Variants in RNF180 observed in about 807,000 individuals in gnomAD.
The protein encoded by RNF180 is E3 ubiquitin-protein ligase RNF180.
In RNF180, 38 loss-of-function variants were observed where a neutral mutation model predicts 59.2. The ratio of observed to expected loss-of-function variants is 0.64; its 90% CI spans 0.50 to 0.84. The LOEUF is 0.84. Among genes scored for constraint, RNF180 ranks in the 40% least tolerant of loss-of-function variants. The pLI is 0.00. For missense variants in RNF180, 705 were observed against 700.9 expected, an observed-to-expected ratio of 1.01 and a Z score of -0.07; for synonymous variants, 262 against 240.3, an observed-to-expected ratio of 1.09 and a Z score of -0.84.
chr5:64,278,021 C>A (rs943138175), intron 5 of RNF180, among the ~76,000 whole-genome samples: 15 of 152,128 alleles, frequency 9.9e-5, no homozygotes, highest in African/African-American at 1.4e-4. Flanking sequence ...TTGCCTTAAT[C>A]AGTATTATAT....
At chr5:64,269,238 C>A (rs1185702359) in intron 5 of RNF180, among the ~76,000 whole-genome samples, 1 of 152,054 alleles carries the variant, frequency 6.6e-6, no homozygotes, top group Non-Finnish European at 1.5e-5. Context: ...AATTATCACA[C>A]CTCTCTTATT....
intron 1 of RNF180, among the ~76,000 whole-genome samples, chr5:64,185,047 C>G (rs561249099): frequency 6.6e-6 from 1 of 152,192 alleles, no homozygotes; most frequent in East Asian, 1.9e-4. Context: ...TTTCCCTTAC[C>G]CGTTGATGGC....
chr5:64,342,741 A>G (rs973317141), intron 7 of RNF180, among the ~76,000 whole-genome samples: 2 of 152,260 alleles, frequency 1.3e-5, no homozygotes, highest in African/African-American at 4.8e-5. Flanking sequence ...TGTTAAGCAA[A>G]AAATGCAGAG....
chr5:64,335,454 A>G (rs922855966), intron 7 of RNF180, among the ~76,000 whole-genome samples: 1 of 151,832 alleles, frequency 6.6e-6, no homozygotes, highest in South Asian at 2.1e-4. Context: ...GATTTGTGTT[A>G]ATTTTTTTTT....
chr5:64,280,886 G>T (rs1032774957), intron 5 of RNF180, among the ~76,000 whole-genome samples: 2 of 152,060 alleles, frequency 1.3e-5, no homozygotes, highest in Non-Finnish European at 2.9e-5. Context: ...AAATTGCTTT[G>T]GGCTGTATGG....
chr5:64,342,765 T>C (rs144454215), intron 7 of RNF180, among the ~76,000 whole-genome samples: 122 of 152,230 alleles, frequency 8.0e-4, no homozygotes, highest in African/African-American at 2.8e-3. Context: ...CATGCTGTAG[T>C]AGGGAGTCCA....
At chr5:64,338,403 G>A (rs1439789616) in intron 7 of RNF180, among the ~76,000 whole-genome samples, 1 of 152,158 alleles carries the variant, frequency 6.6e-6, no homozygotes, top group Non-Finnish European at 1.5e-5. Flanking sequence ...GGGAGGCCGA[G>A]GCAGGCGGAT....
chr5:64,176,348 C>T (rs1750235378), intron 1 of RNF180, among the ~76,000 whole-genome samples: 1 of 151,716 alleles, frequency 6.6e-6, no homozygotes. Context: ...TTTGAGTCTC[C>T]TATCTTCTTT....
Position 64,171,561 on chromosome 5 carries a change from G to A in RNF180, c.-1+5608G>A, listed in dbSNP as rs958488587. 2.0e-5 allele frequency among the ~76,000 whole-genome samples: 3 copies of A among 152,160 alleles called. No homozygotes were observed. The East Asian group carries it at 5.8e-4, about 29-fold the overall frequency. ...TTGGAGTGAGGGGTGGTCATTCCAG[G>A]GGAACTTTCTTGGATTATGAGTTTG... On this transcript the variant is annotated intron_variant, in intron 1 of 7. Coordinates refer to ENST00000389100, the MANE Select transcript of RNF180 (RefSeq NM_001113561.2).
intron 7 of RNF180, among the ~76,000 whole-genome samples, chr5:64,364,143 G>T (rs969940456): frequency 1.1e-4 from 17 of 151,760 alleles, no homozygotes; most frequent in African/African-American, 3.9e-4. Context: ...TGGTTACAGA[G>T]GGCATCCTTG....
chr5:64,366,518 G>A (rs1245356435), intron 7 of RNF180, among the ~76,000 whole-genome samples: 2 of 151,418 alleles, frequency 1.3e-5, no homozygotes, highest in Non-Finnish European at 3.0e-5. Flanking sequence ...GAGTTCTCGT[G>A]GATGATCTCC....
At chr5:64,214,864 GA>G (rs896245191) in intron 4 of RNF180, among the ~76,000 whole-genome samples, 31 of 152,110 alleles carry the variant, frequency 2.0e-4, no homozygotes, top group African/African-American at 6.7e-4. Context: ...ATTTTGGGTT[GA>G]AAAAATGTTT....
intron 7 of RNF180, among the ~76,000 whole-genome samples, chr5:64,364,879 A>G (rs1371683901): frequency 6.6e-6 from 1 of 151,236 alleles, no homozygotes; most frequent in Non-Finnish European, 1.5e-5. Flanking sequence ...ATATTCTCTA[A>G]TGGTTACTTG....
At chr5:64,199,229 CT>C (rs985673828) in intron 1 of RNF180, among the ~76,000 whole-genome samples, 1 of 152,202 alleles carries the variant, frequency 6.6e-6, no homozygotes, top group African/African-American at 2.4e-5. Context: ...AGCCTGTCTA[CT>C]TGAAGGTCTG....
At chr5:64,270,986 T>C (rs1049970025) in intron 5 of RNF180, among the ~76,000 whole-genome samples, 2 of 152,120 alleles carry the variant, frequency 1.3e-5, no homozygotes, top group African/African-American at 4.8e-5. Context: ...AATGTAATTC[T>C]TAGTCATTGA....
At chr5:64,231,457 CTTTA>C (rs1561205753) in intron 5 of RNF180, among the ~76,000 whole-genome samples, 1 of 151,578 alleles carries the variant, frequency 6.6e-6, no homozygotes, top group Non-Finnish European at 1.5e-5. Context: ...GCCACACACT[CTTTA>C]TTTATCCTCA....
At chr5:64,271,179 G>A (rs887452087) in intron 5 of RNF180, among the ~76,000 whole-genome samples, 2 of 152,102 alleles carry the variant, frequency 1.3e-5, no homozygotes, top group South Asian at 2.1e-4. Flanking sequence ...CTACAACTAA[G>A]TGTGAACCAG....
At chr5:64,259,995 T>C (rs969237402) in intron 5 of RNF180, among the ~76,000 whole-genome samples, 1 of 152,048 alleles carries the variant, frequency 6.6e-6, no homozygotes, top group Non-Finnish European at 1.5e-5. Flanking sequence ...ATCCTAATCA[T>C]CCTAGCACCA....
At chr5:64,239,688 C>G (rs891078912) in intron 5 of RNF180, among the ~76,000 whole-genome samples, 4 of 152,048 alleles carry the variant, frequency 2.6e-5, no homozygotes, top group African/African-American at 9.7e-5. Flanking sequence ...TGTCATGAGT[C>G]TGTTATCATT....
Sources: allele counts gnomAD v4.1 joint callset (sites outside exome capture counted in the v4.1 genomes callset), GRCh38; gene constraint gnomAD v4.1.1; transcripts MANE v1.5; gene names NCBI Gene and HGNC (gene_info 2026-07-23, HGNC 2026-07-21).